Variants in PANX1 observed in about 807,000 individuals in gnomAD.
The protein encoded by PANX1 is pannexin 1.
Under a neutral mutation model 38.7 loss-of-function variants are expected in PANX1, and 30 were observed. The ratio of observed to expected loss-of-function variants is 0.78; its 90% CI spans 0.58 to 1.05. The LOEUF (loss-of-function observed/expected upper bound fraction) is 1.05, where lower values mean the gene tolerates loss of function less well. PANX1 is among the 50% of genes least tolerant of loss of function. PANX1 has a pLI of 0.00. For synonymous variants in PANX1, 230 were observed against 212.2 expected (o/e 1.08, Z -0.73); for missense variants, 551 against 517.2 (o/e 1.07, Z -0.63).
intron 3 of PANX1, 38 bp downstream of exon 3, chr11:94,178,630 A>C: frequency 1.3e-6 from 2 of 1,519,220 alleles, no homozygotes; most frequent in Non-Finnish European, 9.1e-7. Flanking sequence ...CGGGTTTTGT[A>C]GGACAAATTC....
chr11:94,169,402 A>AC (rs1214703885), intron 2 of PANX1, among the ~76,000 whole-genome samples: 1 of 151,698 alleles, frequency 6.6e-6, no homozygotes, highest in Non-Finnish European at 1.5e-5. Flanking sequence ...TAAGGTGAGG[A>AC]CTGAGACTTA....
At chr11:94,167,164 C>T (rs1164191698) in intron 2 of PANX1, among the ~76,000 whole-genome samples, 1 of 152,118 alleles carries the variant, frequency 6.6e-6, no homozygotes, top group East Asian at 1.9e-4. Context: ...AGTGCAAAGT[C>T]GCATACTCAT....
At chr11:94,157,874 G>C (rs369366592) in intron 2 of PANX1, among the ~76,000 whole-genome samples, 8,386 of 152,112 alleles carry the variant, frequency 0.055, 785 homozygotes, top group African/African-American at 0.19. Flanking sequence ...TATGGTTTTA[G>C]GTCTAAGATT....
chr11:94,150,017 A>AT (rs528822976), intron 1 of PANX1, among the ~76,000 whole-genome samples: 55 of 151,354 alleles, frequency 3.6e-4, no homozygotes, highest in Non-Finnish European at 5.7e-4. Context: ...CACATCTCTG[A>AT]TTTAAAGATG....
intron 1 of PANX1, among the ~76,000 whole-genome samples, chr11:94,153,234 TTGTA>T (rs1946905324): frequency 6.6e-6 from 1 of 152,168 alleles, no homozygotes; most frequent in Non-Finnish European, 1.5e-5. Flanking sequence ...TCCTTTTTCT[TTGTA>T]TGGTAGTTCT....
chr11:94,133,068 G>T (rs141935173), intron 1 of PANX1, among the ~76,000 whole-genome samples: 1 of 152,364 alleles, frequency 6.6e-6, no homozygotes, highest in African/African-American at 2.4e-5. Context: ...AAGAGGGACT[G>T]AGCCTGCCTG....
At chr11:94,168,280 TA>T (rs1215397413) in intron 2 of PANX1, among the ~76,000 whole-genome samples, 1 of 152,086 alleles carries the variant, frequency 6.6e-6, no homozygotes, top group Non-Finnish European at 1.5e-5. Flanking sequence ...GGGCCTTGAT[TA>T]ACTATGATGC....
intron 2 of PANX1, among the ~76,000 whole-genome samples, chr11:94,161,498 T>G (rs1273728874): frequency 6.6e-6 from 1 of 152,254 alleles, no homozygotes; most frequent in Admixed American, 6.5e-5. Context: ...TACCTTTTCT[T>G]CCAGTTGATC....
chr11:94,162,423 C>T (rs1001824828), intron 2 of PANX1, among the ~76,000 whole-genome samples: 19 of 152,156 alleles, frequency 1.2e-4, no homozygotes, highest in Non-Finnish European at 1.6e-4. Flanking sequence ...CAATGGTGGA[C>T]GCCCCTCCCC....
chr11:94,132,923 G>A (rs763264178), intron 1 of PANX1, among the ~76,000 whole-genome samples: 1 of 152,224 alleles, frequency 6.6e-6, no homozygotes. Context: ...CAGGTTCTCT[G>A]TGGGGGTGGG....
At chr11:94,166,116 C>G (rs1947099515) in intron 2 of PANX1, among the ~76,000 whole-genome samples, 1 of 152,048 alleles carries the variant, frequency 6.6e-6, no homozygotes, top group African/African-American at 2.4e-5. Flanking sequence ...TTGTGTATCT[C>G]CTAACAACTT....
At chr11:94,137,396 T>C (rs779928254) in intron 1 of PANX1, among the ~76,000 whole-genome samples, 14 of 152,184 alleles carry the variant, frequency 9.2e-5, no homozygotes, top group Non-Finnish European at 1.6e-4. Context: ...TAAAAAACCA[T>C]GCAAACACCT....
chr11:94,130,719 G>A (rs1946620248), intron 1 of PANX1, among the ~76,000 whole-genome samples: 1 of 152,150 alleles, frequency 6.6e-6, no homozygotes, highest in Non-Finnish European at 1.5e-5. Context: ...AGCAGCACTT[G>A]AGTACCTAGT....
At chr11:94,142,439 T>C (rs1424616003) in intron 1 of PANX1, among the ~76,000 whole-genome samples, 1 of 152,162 alleles carries the variant, frequency 6.6e-6, no homozygotes, top group Admixed American at 6.5e-5. Flanking sequence ...CCCCAGGATG[T>C]CCTTTATCTG....
intron 1 of PANX1, among the ~76,000 whole-genome samples, chr11:94,139,507 T>G (rs1946736199): frequency 6.6e-6 from 1 of 152,220 alleles, no homozygotes; most frequent in African/African-American, 2.4e-5. Context: ...TATTTGGTCT[T>G]TGGTTTCCCA....
chr11:94,157,241 C>T (rs1946961417), intron 2 of PANX1, among the ~76,000 whole-genome samples: 1 of 152,038 alleles, frequency 6.6e-6, no homozygotes, highest in Non-Finnish European at 1.5e-5. Context: ...GGGTATATAC[C>T]TAGTAATGGG....
rs780144027 is a variant in PANX1, at chr11:94,129,511, C to T, written c.181+18C>T. ...CTCGATTGGTAAGCCTCGCCCAGGA[C>T]GGAGGGGAGTGGCCGCCCCGGTCTG... On this transcript the variant is annotated intron_variant, in intron 1 of 4. Coordinates refer to ENST00000227638, the MANE Select transcript of PANX1 (RefSeq NM_015368.4). 7 of 1,591,292 alleles carry T rather than the reference C, an allele frequency of 4.4e-6. No homozygotes were observed. The highest frequency in any genetic ancestry group is 6.0e-6 in the Non-Finnish European group (7 of 1,163,998).
At chr11:94,152,978 A>G (rs1946901201) in intron 1 of PANX1, among the ~76,000 whole-genome samples, 1 of 152,182 alleles carries the variant, frequency 6.6e-6, no homozygotes. Flanking sequence ...TACAGGAGGT[A>G]GGAAACCACT....
rs184827019 is a variant in PANX1 at position 94,171,773 on chromosome 11, C to A, written c.322-6596C>A. ...TGATTTCTCCCTGTCTTCCTCCTCCCTTTCTCTCCCACTCCATGCACTACT... is the reference window on the plus strand; with the variant it reads ...TGATTTCTCCCTGTCTTCCTCCTCCATTTCTCTCCCACTCCATGCACTACT... On this transcript the variant is annotated intron_variant, in intron 2 of 4. Coordinates refer to ENST00000227638, the MANE Select transcript of PANX1 (RefSeq NM_015368.4). 2.3e-4 allele frequency among the ~76,000 whole-genome samples: 35 copies of A among 151,214 alleles called. 1 individual carries two copies. Among genetic ancestry groups the A allele is most frequent in the Non-Finnish European group, 4.3e-4 (29 of 67,990 alleles).
Sources: allele counts gnomAD v4.1 joint callset (sites outside exome capture counted in the v4.1 genomes callset), GRCh38; gene constraint gnomAD v4.1.1; transcripts MANE v1.5; gene names NCBI Gene and HGNC (gene_info 2026-07-23, HGNC 2026-07-21).